The following PRMT8 variants were observed in gnomAD, a reference collection of about 807,000 sequenced individuals.
The protein encoded by PRMT8 is protein arginine N-methyltransferase 8.
Under a neutral mutation model 47.1 loss-of-function variants are expected in PRMT8, and 7 were observed. The observed-to-expected ratio is 0.15, with a 90% CI of 0.08 to 0.28. The LOEUF is 0.28. Among genes scored for constraint, PRMT8 ranks in the 10% least tolerant of loss-of-function variants. The pLI is 1.00. For missense variants in PRMT8, 237 were observed against 505.4 expected, an observed-to-expected ratio of 0.47 and a Z score of 5.09; for synonymous variants, 188 against 186.5, an observed-to-expected ratio of 1.01 and a Z score of -0.07.
At chr12:3,392,380 G>A (rs1206784494) in intron 1 of PRMT8, among the ~76,000 whole-genome samples, 1 of 108,934 alleles carries the variant, frequency 9.2e-6, no homozygotes, top group Non-Finnish European at 1.7e-5. Context: ...CCCCACAACA[G>A]TCCCCAGAGT....
chr12:3,395,913 A>G (rs1430152694), intron 1 of PRMT8, among the ~76,000 whole-genome samples: 2 of 152,170 alleles, frequency 1.3e-5, no homozygotes, highest in African/African-American at 4.8e-5. Flanking sequence ...GAGTGCATAT[A>G]TATTTAGGAT....
chr12:3,403,972 T>G (rs78402996), intron 1 of PRMT8, among the ~76,000 whole-genome samples: 4 of 152,152 alleles, frequency 2.6e-5, no homozygotes, highest in African/African-American at 9.6e-5. Context: ...ATTTGTAATT[T>G]TTTAAACTTA....
At chr12:3,525,871 C>T (rs1351825052) in intron 1 of PRMT8, among the ~76,000 whole-genome samples, 2 of 152,194 alleles carry the variant, frequency 1.3e-5, no homozygotes, top group East Asian at 1.9e-4. Context: ...TGATAAAATA[C>T]ACATAACATA....
chr12:3,385,590 G>T (rs1402387446), intron 1 of PRMT8, among the ~76,000 whole-genome samples: 1 of 133,134 alleles, frequency 7.5e-6, no homozygotes. Context: ...ACTTTATTAG[G>T]CTATGTCTTA....
intron 1 of PRMT8, among the ~76,000 whole-genome samples, chr12:3,394,338 G>C (rs936421229): frequency 2.0e-5 from 3 of 152,190 alleles, no homozygotes; most frequent in Admixed American, 6.5e-5. Flanking sequence ...TATGATATTG[G>C]CTGTGGGTTT....
chr12:3,568,576 G>A (rs1866777118), intron 4 of PRMT8, 130 bp from the exon 5 acceptor site: 4 of 989,774 alleles, frequency 4.0e-6, no homozygotes, highest in Admixed American at 2.5e-5. Flanking sequence ...GGTAAAGGGT[G>A]AGCTACATCA....
chr12:3,529,555 C>T (rs1265707876), intron 1 of PRMT8, among the ~76,000 whole-genome samples: 1 of 152,080 alleles, frequency 6.6e-6, no homozygotes, highest in Non-Finnish European at 1.5e-5. Flanking sequence ...ATTGGAATTT[C>T]TGGTTAAAGA....
At chr12:3,467,961 C>G (rs983601663) in intron 1 of PRMT8, among the ~76,000 whole-genome samples, 3 of 152,212 alleles carry the variant, frequency 2.0e-5, no homozygotes, top group Non-Finnish European at 4.4e-5. Flanking sequence ...GGCGGGGGCT[C>G]TTGTCCAAGA....
chr12:3,390,095 AG>A (rs2137045141), intron 1 of PRMT8, among the ~76,000 whole-genome samples: 1 of 152,378 alleles, frequency 6.6e-6, no homozygotes, highest in East Asian at 1.9e-4. Context: ...AGAAGTGGTG[AG>A]GATGCTGAGA....
rs187042226 is a variant in PRMT8, at chr12:3,550,058, C to T, written c.384C>T (p.Phe128=). 30 of 1,614,152 alleles carry T rather than the reference C, an allele frequency of 1.9e-5. No individual in the cohort carries two copies. Among genetic ancestry groups the T allele is most frequent in the Admixed American group, 5.0e-5 (3 of 60,022 alleles). The change falls in exon 3 of 10, where the codon TTC becomes TTT. Residue 128 remains phenylalanine, a synonymous_variant. Transcript: ENST00000382622. The surrounding 1 kb of genome is among the most constrained non-coding windows in gnomAD (Gnocchi z 5.1). ...VGSGTGILSM[F]AAKAGAKKVF... Reference sequence around the variant, plus strand: ...GTGGTACTGGGATCCTTTCCATGTTCGCTGCCAAGGCAGGGGCCAAGAAGG... The same window carrying T: ...GTGGTACTGGGATCCTTTCCATGTTTGCTGCCAAGGCAGGGGCCAAGAAGG...
At chr12:3,443,935 A>G (rs977345450) in intron 1 of PRMT8, among the ~76,000 whole-genome samples, 1 of 152,222 alleles carries the variant, frequency 6.6e-6, no homozygotes, top group South Asian at 2.1e-4. Context: ...CCCTCAAAAG[A>G]CAAGGCATTT....
chr12:3,591,682 C>G (rs1363311483), intron 8 of PRMT8, among the ~76,000 whole-genome samples: 1 of 152,100 alleles, frequency 6.6e-6, no homozygotes, highest in Admixed American at 6.5e-5. Context: ...CTATGAGCCA[C>G]TATGTGTGCC....
chr12:3,472,019 G>A (rs968941554), intron 1 of PRMT8, among the ~76,000 whole-genome samples: 4 of 152,184 alleles, frequency 2.6e-5, no homozygotes, highest in African/African-American at 9.7e-5. Context: ...ATGCTCTCGG[G>A]TGGGGGCAGT....
Position 3,569,229 on chromosome 12 carries a change from A to G in PRMT8, c.625-248A>G, listed in dbSNP as rs543356169. Among the ~76,000 whole-genome samples, 1 of 152,080 alleles carries G rather than the reference A, an allele frequency of 6.6e-6. No homozygotes were observed. The highest frequency in any genetic ancestry group is 2.1e-4 in the South Asian group (1 of 4,826). ...GTCGTAACATCTCTCACTGCTCCTCACTGGATTTACCTTCACCTCACCTCA... is the reference window on the plus strand; with the variant it reads ...GTCGTAACATCTCTCACTGCTCCTCGCTGGATTTACCTTCACCTCACCTCA... On this transcript the variant is annotated intron_variant, in intron 5 of 9. Transcript: ENST00000382622. The surrounding 1 kb of genome is among the most constrained non-coding windows in gnomAD (Gnocchi z 8.2).
intron 1 of PRMT8, among the ~76,000 whole-genome samples, chr12:3,471,029 TA>T (rs1159956975): frequency 4.6e-5 from 7 of 152,092 alleles, no homozygotes; most frequent in African/African-American, 1.7e-4. Context: ...GACACGTGTC[TA>T]AAGCTCTAGG....
At position 3,514,662 on chromosome 12, in the gene PRMT8, G is replaced by T. The variant is rs1865761730; in HGVS notation, c.75+22962G>T. On this transcript the variant is annotated intron_variant, in intron 1 of 9. Coordinates refer to ENST00000382622, the MANE Select transcript of PRMT8 (RefSeq NM_019854.5). This position sits in a 1 kb window ranked among gnomAD's most constrained non-coding sequence, Gnocchi z 5.9. ...CTTGCAAAGCTGACCTTTCCGGCTG[G>T]GTTCTGCCTGTGGGCGACAGGAGCA... is the stretch of plus-strand genomic sequence containing the variant. Among the ~76,000 whole-genome samples, 1 of 152,112 alleles carries T rather than the reference G, an allele frequency of 6.6e-6. No individual in the cohort carries two copies. Among genetic ancestry groups the T allele is most frequent in the Non-Finnish European group, 1.5e-5 (1 of 68,010 alleles).
intron 4 of PRMT8, among the ~76,000 whole-genome samples, chr12:3,560,472 C>G (rs2137192912): frequency 6.6e-6 from 1 of 152,324 alleles, no homozygotes; most frequent in Non-Finnish European, 1.5e-5. Flanking sequence ...GCTTCAGTGA[C>G]TCCTCTTTGA....
intron 1 of PRMT8, among the ~76,000 whole-genome samples, chr12:3,525,401 GAGGATCAAAGTTT>G: frequency 6.6e-6 from 1 of 152,278 alleles, no homozygotes; most frequent in East Asian, 1.9e-4. Context: ...ACAGGAGTTT[GAGGATCAAAGTTT>G]AGAACTCTGG....
Position 3,397,566 on chromosome 12 carries a change from G to C in PRMT8, c.48+16124G>C, listed in dbSNP as rs865876936. 6.8e-4 allele frequency among the ~76,000 whole-genome samples: 102 copies of C among 149,546 alleles called. 2 individuals are homozygous for C. The South Asian group carries it at 0.023, about 33-fold the overall frequency. On this transcript the variant is annotated intron_variant, in intron 1 of 9. Coordinates refer to the PRMT8 transcript ENST00000452611. Reference sequence around the variant, plus strand: ...ACCCACTTGAGGAGGCAGTCTGCCCGTTCTCAGATCTCCAGCTGCGTGCTG... The same window carrying C: ...ACCCACTTGAGGAGGCAGTCTGCCCCTTCTCAGATCTCCAGCTGCGTGCTG...
Sources: gnomAD v4.1 joint callset for allele counts (sites outside exome capture counted in the v4.1 genomes callset) on GRCh38, gnomAD v4.1.1 for gene constraint, Gnocchi (gnomAD v3.1) non-coding constraint, MANE v1.5 for transcripts, NCBI Gene and HGNC (gene_info 2026-07-23, HGNC 2026-07-21) for gene names.